The following SENP7 variants were observed in gnomAD, a reference collection of about 807,000 sequenced individuals.
SENP7 encodes sentrin-specific protease 7.
SENP7 carries 64 observed loss-of-function variants against 141.2 expected under a neutral mutation model. The observed-to-expected ratio is 0.45, with a 90% confidence interval of 0.37 to 0.56. The LOEUF (loss-of-function observed/expected upper bound fraction) is 0.56. SENP7 is among the 20% of genes least tolerant of loss of function. The pLI is 0.00. For missense variants in SENP7, 1,025 were observed against 1,212.2 expected, an observed-to-expected ratio of 0.85 and a Z score of 2.29; for synonymous variants, 382 against 426.4, an observed-to-expected ratio of 0.90 and a Z score of 1.28.
intron 7 of SENP7, among the ~76,000 whole-genome samples, chr3:101,368,726 TATAATA>T (rs959088091): frequency 1.3e-5 from 2 of 151,872 alleles, no homozygotes; most frequent in African/African-American, 4.8e-5. Context: ...GGACTTAAAG[TATAATA>T]ATAATAATAA....
intron 4 of SENP7, among the ~76,000 whole-genome samples, chr3:101,444,873 C>T (rs1264594379): frequency 1.3e-5 from 2 of 150,798 alleles, no homozygotes; most frequent in Non-Finnish European, 3.0e-5. Flanking sequence ...GCACATGTAC[C>T]CTAAAACTTA....
At chr3:101,373,539 T>C (rs1007899143) in intron 6 of SENP7, among the ~76,000 whole-genome samples, 7 of 152,158 alleles carry the variant, frequency 4.6e-5, no homozygotes, top group Admixed American at 1.3e-4. Context: ...TAGTCCTTGT[T>C]TTTCTAGCAC....
At chr3:101,342,355 C>T (rs572585959) in intron 14 of SENP7, among the ~76,000 whole-genome samples, 18 of 152,206 alleles carry the variant, frequency 1.2e-4, no homozygotes, top group African/African-American at 4.3e-4. Flanking sequence ...CTTTCTAGAA[C>T]TATTTGGCAG....
intron 1 of SENP7, among the ~76,000 whole-genome samples, chr3:101,502,128 G>A (rs1282469082): frequency 6.6e-6 from 1 of 152,176 alleles, no homozygotes; most frequent in African/African-American, 2.4e-5. Flanking sequence ...TTAATAAACT[G>A]TACTTCATTA....
At chr3:101,467,774 T>C (rs1338221264) in intron 3 of SENP7, among the ~76,000 whole-genome samples, 1 of 151,882 alleles carries the variant, frequency 6.6e-6, no homozygotes, top group African/African-American at 2.4e-5. Context: ...AAGCTGAAAA[T>C]TCTAAAAATC....
intron 21 of SENP7, 23 bp downstream of exon 21, chr3:101,328,620 GTAT>G (rs752278655): frequency 7.5e-6 from 12 of 1,603,632 alleles, no homozygotes; most frequent in South Asian, 5.5e-5. Flanking sequence ...TCAAAAAACT[GTAT>G]TATTATTACA....
chr3:101,506,394 T>A (rs575129306), intron 1 of SENP7, among the ~76,000 whole-genome samples: 2 of 152,220 alleles, frequency 1.3e-5, no homozygotes, highest in Non-Finnish European at 2.9e-5. Flanking sequence ...TTTTCCTTAA[T>A]CCTTATATCA....
intron 4 of SENP7, among the ~76,000 whole-genome samples, chr3:101,451,448 CA>C (rs1422861343): frequency 6.6e-6 from 1 of 152,122 alleles, no homozygotes; most frequent in African/African-American, 2.4e-5. Flanking sequence ...TGATGAACAG[CA>C]ATGCAAAAAT....
intron 4 of SENP7, among the ~76,000 whole-genome samples, chr3:101,458,301 T>C (rs2063426351): frequency 6.6e-6 from 1 of 152,220 alleles, no homozygotes; most frequent in African/African-American, 2.4e-5. Context: ...TGTGTGACTT[T>C]CCAATAATTA....
intron 13 of SENP7, chr3:101,347,469 T>C (rs2059492659): frequency 1.3e-5 from 2 of 152,560 alleles, no homozygotes; most frequent in African/African-American, 2.4e-5. Context: ...ACGCCTGTAA[T>C]CCCAGCACTT....
At chr3:101,391,527 G>C (rs1283068550) in intron 6 of SENP7, among the ~76,000 whole-genome samples, 1 of 152,058 alleles carries the variant, frequency 6.6e-6, no homozygotes, top group Non-Finnish European at 1.5e-5. Context: ...CAACCTACAA[G>C]ATTGAATCAG....
intron 3 of SENP7, among the ~76,000 whole-genome samples, chr3:101,483,853 C>G (rs2064608368): frequency 6.6e-6 from 1 of 152,090 alleles, no homozygotes; most frequent in Non-Finnish European, 1.5e-5. Context: ...GAAACCTCAC[C>G]TCTACTAAAA....
chr3:101,453,008 C>T (rs1272172269), intron 4 of SENP7, among the ~76,000 whole-genome samples: 1 of 151,976 alleles, frequency 6.6e-6, no homozygotes, highest in Admixed American at 6.6e-5. Context: ...TAAACTCAAA[C>T]AAATTTATAA....
chr3:101,483,119 T>A (rs2064567789), intron 3 of SENP7, among the ~76,000 whole-genome samples: 1 of 152,112 alleles, frequency 6.6e-6, no homozygotes, highest in African/African-American at 2.4e-5. Context: ...AAATAAATCA[T>A]TCTGCCAAAA....
At chr3:101,379,710 T>C (rs1331989511) in intron 6 of SENP7, among the ~76,000 whole-genome samples, 1 of 152,188 alleles carries the variant, frequency 6.6e-6, no homozygotes, top group Non-Finnish European at 1.5e-5. Context: ...ACTGGAACCC[T>C]TGTGCACTGC....
At chr3:101,365,918 A>G (rs1461324407) in intron 9 of SENP7, among the ~76,000 whole-genome samples, 1 of 152,160 alleles carries the variant, frequency 6.6e-6, no homozygotes, top group Non-Finnish European at 1.5e-5. Context: ...ATCACTCTAA[A>G]TTGTACTTTT....
At chr3:101,449,744 G>A (rs888044510) in intron 4 of SENP7, among the ~76,000 whole-genome samples, 4 of 152,150 alleles carry the variant, frequency 2.6e-5, no homozygotes, top group African/African-American at 9.7e-5. Flanking sequence ...AGGAACAACT[G>A]GTACCAGCCA....
intron 4 of SENP7, among the ~76,000 whole-genome samples, chr3:101,437,173 A>C (rs2062422364): frequency 6.6e-6 from 1 of 152,184 alleles, no homozygotes; most frequent in South Asian, 2.1e-4. Context: ...AAATCAAAAC[A>C]ATTGAATTCA....
chr3:101,409,189 C>A (rs1229871060), intron 5 of SENP7, among the ~76,000 whole-genome samples: 1 of 151,642 alleles, frequency 6.6e-6, no homozygotes, highest in Non-Finnish European at 1.5e-5. Context: ...CAATAGCTGC[C>A]AAAAAATAAA....
Sources: gnomAD v4.1 joint callset for allele counts (sites outside exome capture counted in the v4.1 genomes callset) on GRCh38, gnomAD v4.1.1 for gene constraint, MANE v1.5 for transcripts, NCBI Gene and HGNC (gene_info 2026-07-23, HGNC 2026-07-21) for gene names.